Variants in PRR16 observed in about 807,000 individuals in gnomAD.
The protein encoded by PRR16 is proline rich 16.
Under a neutral mutation model 18.2 loss-of-function variants are expected in PRR16, and 6 were observed. The observed-to-expected ratio is 0.33, with a 90% CI of 0.18 to 0.65. The LOEUF is 0.65. Ranked by LOEUF, PRR16 falls within the 30% of genes least tolerant of loss-of-function variation. The probability of loss-of-function intolerance (pLI) is 0.74; values close to 1 mark genes in which losing one functional copy is unlikely to be tolerated. For synonymous variants in PRR16, 151 were observed against 147.8 expected (o/e 1.02, Z -0.16); for missense variants, 412 against 376.6 (o/e 1.09, Z -0.78).
the PRR16 span, among the ~76,000 whole-genome samples, chr5:120,728,280 A>T: frequency 2.0e-5 from 3 of 151,674 alleles, no homozygotes; most frequent in Non-Finnish European, 4.4e-5. Flanking sequence ...ATACTACAAT[A>T]GTTTGATATA....
chr5:120,538,902 A>G lies in PRR16; in HGVS notation c.159+74257A>G, dbSNP rs894680573. ...AGAAAGTGTTGGCTGCTGACTAGCA[A>G]TTGCATCGTGAGTTTGTTCCCTGGA... On this transcript the variant is annotated intron_variant, in intron 1 of 1. Transcript: ENST00000407149. 5.9e-5 allele frequency among the ~76,000 whole-genome samples: 9 copies of G among 152,176 alleles called. No individual in the cohort carries two copies. The South Asian group carries it at 1.0e-3, about 18-fold the overall frequency.
chr5:120,603,765 A>C (rs963886635), intron 1 of PRR16, among the ~76,000 whole-genome samples: 3 of 151,808 alleles, frequency 2.0e-5, no homozygotes, highest in African/African-American at 7.2e-5. Context: ...TCTTTGTTTT[A>C]ATTAGTTTCA....
chr5:120,640,028 A>C (rs1755368880), intron 1 of PRR16, among the ~76,000 whole-genome samples: 1 of 152,096 alleles, frequency 6.6e-6, no homozygotes, highest in African/African-American at 2.4e-5. Flanking sequence ...TCTTACATGA[A>C]TTAACACAGG....
chr5:120,751,632 TATA>T, the PRR16 span, among the ~76,000 whole-genome samples: 1 of 152,094 alleles, frequency 6.6e-6, no homozygotes, highest in Non-Finnish European at 1.5e-5. Context: ...ACAAAAGAAA[TATA>T]ATAAGTAAAA....
the PRR16 span, among the ~76,000 whole-genome samples, chr5:120,784,705 A>C: frequency 2.0e-5 from 3 of 152,344 alleles, no homozygotes; most frequent in African/African-American, 7.2e-5. Context: ...TATCCATGAA[A>C]GCTCTTTGAA....
chr5:120,727,896 C>T, the PRR16 span, among the ~76,000 whole-genome samples: 1 of 151,920 alleles, frequency 6.6e-6, no homozygotes, highest in African/African-American at 2.4e-5. Context: ...AATGCTTGAA[C>T]ATTCTTACAG....
the PRR16 span, among the ~76,000 whole-genome samples, chr5:120,713,534 T>C: frequency 1.3e-5 from 2 of 152,174 alleles, no homozygotes; most frequent in Non-Finnish European, 2.9e-5. Context: ...GAAATAGAAA[T>C]TGAAAATCAG....
At chr5:120,641,927 C>A (rs1375604297) in intron 1 of PRR16, among the ~76,000 whole-genome samples, 1 of 152,096 alleles carries the variant, frequency 6.6e-6, no homozygotes, top group Non-Finnish European at 1.5e-5. Flanking sequence ...TGTCCTTACC[C>A]TAGGCACCTC....
intron 1 of PRR16, among the ~76,000 whole-genome samples, chr5:120,646,776 A>G (rs941287544): frequency 4.6e-5 from 7 of 152,056 alleles, no homozygotes; most frequent in African/African-American, 1.7e-4. Flanking sequence ...TGCAATAAAT[A>G]CATATCTAAC....
the PRR16 span, among the ~76,000 whole-genome samples, chr5:120,707,491 C>T: frequency 6.6e-6 from 1 of 152,152 alleles, no homozygotes; most frequent in African/African-American, 2.4e-5. Flanking sequence ...TTGTAAGCCA[C>T]ATGTTCTATG....
At chr5:120,593,204 C>T (rs1375275231) in intron 1 of PRR16, among the ~76,000 whole-genome samples, 1 of 151,642 alleles carries the variant, frequency 6.6e-6, no homozygotes, top group Non-Finnish European at 1.5e-5. Context: ...AAAAACCATA[C>T]AAAAGATGAA....
At chr5:120,581,161 T>G (rs112522440) in intron 1 of PRR16, among the ~76,000 whole-genome samples, 8,551 of 152,270 alleles carry the variant, frequency 0.056, 319 homozygotes, top group South Asian at 0.087. Context: ...GGGGCTTTTT[T>G]TGGTTGGTAG....
At chr5:120,476,998 A>G (rs1156424345) in intron 1 of PRR16, among the ~76,000 whole-genome samples, 2 of 152,154 alleles carry the variant, frequency 1.3e-5, no homozygotes, top group Admixed American at 1.3e-4. Flanking sequence ...ATCTAGCAGC[A>G]GTTGACAGTC....
intron 1 of PRR16, among the ~76,000 whole-genome samples, chr5:120,565,784 T>G (rs1752718491): frequency 6.6e-6 from 1 of 152,232 alleles, no homozygotes; most frequent in Non-Finnish European, 1.5e-5. Context: ...TGAATACCAC[T>G]GAAATATCAT....
chr5:120,757,845 G>T, the PRR16 span, among the ~76,000 whole-genome samples: 2 of 151,984 alleles, frequency 1.3e-5, no homozygotes, highest in Middle Eastern at 3.4e-3. Flanking sequence ...TGCTAGCCTC[G>T]ATTTAAATAG....
At chr5:120,516,249 C>T (rs373001213) in intron 1 of PRR16, among the ~76,000 whole-genome samples, 116 of 152,084 alleles carry the variant, frequency 7.6e-4, no homozygotes, top group African/African-American at 2.4e-3. Context: ...CATGGCGAAA[C>T]GCCATCTCTA....
intron 1 of PRR16, among the ~76,000 whole-genome samples, chr5:120,466,668 G>C (rs1183225216): frequency 6.6e-6 from 1 of 152,070 alleles, no homozygotes; most frequent in Non-Finnish European, 1.5e-5. Flanking sequence ...ACCACTTTCT[G>C]TGTCTTCATT....
At chr5:120,786,388 G>C in the PRR16 span, among the ~76,000 whole-genome samples, 1 of 151,714 alleles carries the variant, frequency 6.6e-6, no homozygotes, top group Non-Finnish European at 1.5e-5. Context: ...TCTGGTTTGG[G>C]AGGGCTGCTT....
chr5:120,477,363 C>T (rs2112806234), intron 1 of PRR16, among the ~76,000 whole-genome samples: 1 of 152,248 alleles, frequency 6.6e-6, no homozygotes, highest in Middle Eastern at 3.4e-3. Context: ...CTTCCCCTCC[C>T]TTGTCAGTTA....
Sources: allele counts gnomAD v4.1 joint callset (sites outside exome capture counted in the v4.1 genomes callset), GRCh38; gene constraint gnomAD v4.1.1; transcripts MANE v1.5; gene names NCBI Gene and HGNC (gene_info 2026-07-23, HGNC 2026-07-21).